LIPH: variants seen among roughly 807,000 people sequenced by gnomAD.
The protein encoded by LIPH is lipase member H.
LIPH carries 32 observed loss-of-function variants against 47.6 expected under a neutral mutation model. The ratio of observed to expected loss-of-function variants is 0.67; its 90% CI spans 0.51 to 0.90. The LOEUF (loss-of-function observed/expected upper bound fraction) is 0.90, where lower values mean the gene tolerates loss of function less well. LIPH is among the 40% of genes least tolerant of loss of function. The pLI is 0.00. For synonymous variants in LIPH, 190 were observed against 195.6 expected (o/e 0.97, Z 0.24); for missense variants, 497 against 541.4 (o/e 0.92, Z 0.81).
rs1031818626 is a variant in LIPH, at chr3:185,546,347, C to T, written c.49+6076G>A. On this transcript the variant is annotated intron_variant, in intron 1 of 9. Transcript: ENST00000296252. ...TAGCCTGGACGACAGAGTAAGACTC[C>T]GTCTCAAAAAAAAAAAAAAAAAAAA... is the stretch of plus-strand genomic sequence containing the variant. Among the ~76,000 whole-genome samples the T allele has an allele frequency of 6.8e-5, 9 of 132,658 alleles. No individual in the cohort carries two copies. The South Asian group carries it at 7.8e-4, about 11-fold the overall frequency. 87.0% of individuals were successfully genotyped at this position (132,658 alleles called of 152,430 possible).
Position 185,533,552 on chromosome 3 carries a change from CCCAT to C in LIPH, c.526+15_526+18del. 6.6e-7 allele frequency: 1 copy of C among 1,525,584 alleles called. No individual in the cohort carries two copies. 94.5% of individuals were successfully genotyped at this position (1,525,584 alleles called of 1,614,324 possible). On this transcript the variant is annotated intron_variant, in intron 3 of 9. Transcript: ENST00000296252. ...ACCCTGCCCAGGCTACCAACCCATGCCCATTCACAGGCACTTACCTGTAATTCTC... is the reference window on the plus strand; with the variant it reads ...ACCCTGCCCAGGCTACCAACCCATGCTCACAGGCACTTACCTGTAATTCTC...
At chr3:185,520,361 A>G (rs373002059) in intron 5 of LIPH, among the ~76,000 whole-genome samples, 14 of 152,046 alleles carry the variant, frequency 9.2e-5, no homozygotes, top group African/African-American at 3.1e-4. Context: ...TCTACTAAAA[A>G]TACAAAAATT....
rs1719439358 is a variant in LIPH, at chr3:185,508,146, T to C, written c.*644A>G. 2 of 153,706 alleles carry C rather than the reference T, an allele frequency of 1.3e-5. No individual in the cohort carries two copies. Among genetic ancestry groups the C allele is most frequent in the African/African-American group, 2.4e-5 (1 of 41,474 alleles). The allele number at this position is 153,706 out of a possible 1,614,324, so 9.5% of individuals were successfully genotyped here. On this transcript the variant is annotated 3_prime_UTR_variant, in exon 10 of 10. Coordinates refer to ENST00000296252, the MANE Select transcript of LIPH (RefSeq NM_139248.3). ...AAGGCAGAGGGCCAGCACGTGGCTT[T>C]CTTGCCTTCCCTGAGCAAACAGCCC... is the stretch of plus-strand genomic sequence containing the variant.
intron 1 of LIPH, among the ~76,000 whole-genome samples, chr3:185,542,029 T>C (rs1256286754): frequency 2.0e-5 from 3 of 152,094 alleles, no homozygotes; most frequent in Non-Finnish European, 4.4e-5. Context: ...AGTGCTGGGA[T>C]TACAAGCGTG....
chr3:185,533,447 C>T, intron 3 of LIPH, 124 bp downstream of exon 3: 1 of 759,682 alleles, frequency 1.3e-6, no homozygotes, highest in Non-Finnish European at 2.4e-6. Context: ...CAATGACCCA[C>T]ACTCAGAGAG....
intron 1 of LIPH, among the ~76,000 whole-genome samples, chr3:185,547,752 G>A (rs1720920070): frequency 6.6e-6 from 1 of 151,522 alleles, no homozygotes; most frequent in Admixed American, 6.6e-5. Flanking sequence ...TTGAATCTGG[G>A]AGGCAGAGGT....
rs1553825108 is a variant in LIPH, at chr3:185,538,876, T to TATATACAC, written c.50-3745_50-3744insGTGTATAT. On this transcript the variant is annotated intron_variant, in intron 1 of 9. Coordinates refer to ENST00000296252, the MANE Select transcript of LIPH (RefSeq NM_139248.3). ...ATATACATATATACATATATACACA[T>TATATACAC]ATATATACATATATACGTATATACA... Among the ~76,000 whole-genome samples the TATATACAC allele has an allele frequency of 3.6e-4, 51 of 140,866 alleles. 1 individual carries two copies. Among genetic ancestry groups the TATATACAC allele is most frequent in the African/African-American group, 1.2e-3 (46 of 38,464 alleles). The allele number at this position is 140,866 out of a possible 152,430, so 92.4% of individuals were successfully genotyped here.
chr3:185,516,326 G>A (rs867077685), intron 7 of LIPH, among the ~76,000 whole-genome samples: 37 of 152,168 alleles, frequency 2.4e-4, no homozygotes, highest in African/African-American at 7.9e-4. Context: ...TCAGGTACTC[G>A]GAATCCTGAG....
chr3:185,525,625 A>G (rs1006781991), intron 4 of LIPH, among the ~76,000 whole-genome samples: 2 of 152,180 alleles, frequency 1.3e-5, no homozygotes, highest in Non-Finnish European at 2.9e-5. Context: ...CAGTGAAAAA[A>G]AAGGAAGCTC....
intron 5 of LIPH, among the ~76,000 whole-genome samples, chr3:185,522,305 G>T (rs1305816067): frequency 6.6e-6 from 1 of 152,200 alleles, no homozygotes; most frequent in African/African-American, 2.4e-5. Context: ...CATTACTGAA[G>T]TGTTGTTGTC....
At chr3:185,543,796 T>A (rs1231615979) in intron 1 of LIPH, among the ~76,000 whole-genome samples, 1 of 151,850 alleles carries the variant, frequency 6.6e-6, no homozygotes, top group Non-Finnish European at 1.5e-5. Context: ...CATTGCTCAC[T>A]GAGTCCTTTT....
At chr3:185,513,780 C>G (rs1719640983) in intron 8 of LIPH, among the ~76,000 whole-genome samples, 1 of 152,192 alleles carries the variant, frequency 6.6e-6, no homozygotes, top group Non-Finnish European at 1.5e-5. Context: ...GTGGCTCACA[C>G]CTGTAATCCC....
chr3:185,511,623 G>C lies in LIPH; in HGVS notation c.1169C>G (p.Ala390Gly), dbSNP rs901492320. ...TGTAGAGAACATCAAGGAAATTGCA[G>C]CCACTTTATCCAGATCTTGATTAAA... ...ARFNQDLDKV[A>G]AISLMFSTGS... Residue 390 changes from alanine (A) to glycine (G), a missense_variant, in exon 9 of 10, where the codon GCT (alanine) becomes GGT (glycine). Ala to Gly is a moderately conservative substitution (Grantham distance 60). Transcript: ENST00000296252. The C allele has an allele frequency of 3.7e-6, 6 of 1,613,072 alleles. No individual in the cohort carries two copies. Among genetic ancestry groups the C allele is most frequent in the Non-Finnish European group, 5.1e-6 (6 of 1,179,146 alleles).
chr3:185,548,242 T>TA (rs2148967035), intron 1 of LIPH, among the ~76,000 whole-genome samples: 1 of 151,720 alleles, frequency 6.6e-6, no homozygotes, highest in Admixed American at 6.6e-5. Flanking sequence ...CTGTCTCTAC[T>TA]AAAAATACAA....
At chr3:185,526,635 A>AAT (rs199740570) in intron 4 of LIPH, among the ~76,000 whole-genome samples, 1 of 19,194 alleles carries the variant, frequency 5.2e-5, no homozygotes, top group South Asian at 5.1e-3. Flanking sequence ...TAAAATATAA[A>AAT]ATAAATAAAA....
chr3:185,514,459 TG>T lies in LIPH; in HGVS notation c.1044del (p.Ile349SerfsTer3). ...WNKNVRRGDI[T>X]IKLRDKAGNT... is the part of the protein sequence containing the mutation. ...TTTCCAGCTTTGTCTCTCAATTTGATGGTAATGTCCCCTCTTCTTACATTCT... is the reference window on the plus strand; with the variant it reads ...TTTCCAGCTTTGTCTCTCAATTTGATGTAATGTCCCCTCTTCTTACATTCT... On this transcript the variant is annotated frameshift_variant, in exon 8 of 10. Transcript: ENST00000296252. The T allele has an allele frequency of 6.3e-7, 1 of 1,590,188 alleles. No homozygotes were observed. The highest frequency in any genetic ancestry group is 8.6e-7 in the Non-Finnish European group (1 of 1,158,178).
intron 1 of LIPH, 29 bp from the exon 2 acceptor site, chr3:185,535,161 A>G (rs966979003): frequency 6.2e-7 from 1 of 1,611,892 alleles, no homozygotes; most frequent in Non-Finnish European, 8.5e-7. Flanking sequence ...TGGCATCACG[A>G]CAGGTCTTTC....
At chr3:185,533,011 A>G (rs996766188) in intron 3 of LIPH, among the ~76,000 whole-genome samples, 1 of 152,170 alleles carries the variant, frequency 6.6e-6, no homozygotes, top group African/African-American at 2.4e-5. Flanking sequence ...AGACTCTGAA[A>G]GAGAGAGCCG....
At chr3:185,545,324 TAAAAG>T (rs1170102355) in intron 1 of LIPH, among the ~76,000 whole-genome samples, 8 of 152,210 alleles carry the variant, frequency 5.3e-5, no homozygotes, top group Admixed American at 1.3e-4. Context: ...TTCTATCTCT[TAAAAG>T]AAAAGAAACA....
Sources: allele counts gnomAD v4.1 joint callset (sites outside exome capture counted in the v4.1 genomes callset), GRCh38; gene constraint gnomAD v4.1.1; transcripts MANE v1.5; gene names NCBI Gene and HGNC (gene_info 2026-07-23, HGNC 2026-07-21).